Variants in SEC24D observed in about 807,000 individuals in gnomAD.
SEC24D encodes SEC24 homolog D, COPII component, also known as protein transport protein Sec24D.
In SEC24D, 69 loss-of-function variants were observed where a neutral mutation model predicts 116.9. The observed-to-expected ratio is 0.59, with a 90% CI of 0.49 to 0.72. The LOEUF is 0.72. Among genes scored for constraint, SEC24D ranks in the 30% least tolerant of loss-of-function variants. The pLI, the probability that SEC24D is intolerant of heterozygous loss-of-function variation, is 0.00. For synonymous variants in SEC24D, 405 were observed against 442.8 expected, an observed-to-expected ratio of 0.91 and a Z score of 1.07; for missense variants, 1,131 against 1,264.1, an observed-to-expected ratio of 0.89 and a Z score of 1.60.
chr4:118,743,985 T>C lies in SEC24D; in HGVS notation c.1995+3A>G, dbSNP rs767244084. ...CCAAGGTGAACAAATTGCTGGCATT[T>C]ACCTGGAAATTGTTGTATTTGTAAA... On this transcript the variant is annotated splice_donor_region_variant and intron_variant, in intron 15 of 22. Coordinates refer to ENST00000280551, the MANE Select transcript of SEC24D (RefSeq NM_014822.4). 3 of 1,593,984 alleles carry C rather than the reference T, an allele frequency of 1.9e-6. No homozygotes were observed. Among genetic ancestry groups the C allele is most frequent in the Non-Finnish European group, 2.6e-6 (3 of 1,172,064 alleles).
rs766776660 is a variant in SEC24D, at chr4:118,740,737, C to T, written c.2164G>A (p.Asp722Asn). The change falls in exon 17 of 23, where the codon GAT becomes AAT. Residue 722 changes from aspartate (D) to asparagine (N), a missense_variant. Physicochemically the swap from Asp to Asn is conservative, Grantham distance 23. Transcript: ENST00000280551. ...NTTDVEMAAI[D>N]CDKAVTVEFK... ...TCCACGGTCACTGCCTTGTCACAATCGATGGCAGCCATTTCTACATCGGTG... is the reference window on the plus strand; with the variant it reads ...TCCACGGTCACTGCCTTGTCACAATTGATGGCAGCCATTTCTACATCGGTG... 8.7e-6 allele frequency: 14 copies of T among 1,613,814 alleles called. No homozygotes were observed. Among genetic ancestry groups the T allele is most frequent in the Admixed American group, 1.7e-5 (1 of 59,982 alleles).
At chr4:118,788,391 G>A (rs538558073) in intron 8 of SEC24D, among the ~76,000 whole-genome samples, 1 of 152,192 alleles carries the variant, frequency 6.6e-6, no homozygotes, top group Non-Finnish European at 1.5e-5. Flanking sequence ...GCACAGTGGA[G>A]ACCTGAAATT....
At chr4:118,728,913 C>A (rs1319923135) in intron 21 of SEC24D, 4 of 349,310 alleles carry the variant, frequency 1.1e-5, no homozygotes, top group African/African-American at 2.1e-5. Flanking sequence ...TGAAATGATA[C>A]AGCACAGACG....
At chr4:118,816,072 C>T (rs190670659) in intron 4 of SEC24D, among the ~76,000 whole-genome samples, 24 of 150,536 alleles carry the variant, frequency 1.6e-4, no homozygotes, top group African/African-American at 5.6e-4. Context: ...CAGGCACACA[C>T]CACCACGCCA....
intron 8 of SEC24D, among the ~76,000 whole-genome samples, chr4:118,773,550 T>C (rs1482460617): frequency 1.3e-5 from 2 of 152,202 alleles, no homozygotes; most frequent in Non-Finnish European, 2.9e-5. Flanking sequence ...AGTTGGTAAT[T>C]TGGATTAATT....
chr4:118,791,922 T>C (rs1369803890), intron 8 of SEC24D, among the ~76,000 whole-genome samples: 3 of 152,148 alleles, frequency 2.0e-5, no homozygotes, highest in Non-Finnish European at 4.4e-5. Flanking sequence ...AGTGCTGAGT[T>C]TGCAGCCTCT....
intron 13 of SEC24D, among the ~76,000 whole-genome samples, chr4:118,749,910 T>C (rs912768656): frequency 6.6e-6 from 1 of 152,214 alleles, no homozygotes; most frequent in Non-Finnish European, 1.5e-5. Flanking sequence ...TAAAGAGTTA[T>C]TTACCTTTTA....
intron 18 of SEC24D, among the ~76,000 whole-genome samples, 197 bp from the exon 19 acceptor site, chr4:118,738,576 C>T (rs1726082627): frequency 6.6e-6 from 1 of 152,158 alleles, no homozygotes; most frequent in African/African-American, 2.4e-5. Flanking sequence ...AGAACATTGG[C>T]CTACCTACAG....
intron 3 of SEC24D, among the ~76,000 whole-genome samples, chr4:118,818,062 A>C (rs1730226628): frequency 6.6e-6 from 1 of 151,988 alleles, no homozygotes; most frequent in African/African-American, 2.4e-5. Context: ...AAATCTAAAA[A>C]TTACATCATG....
chr4:118,807,990 C>T (rs1031890866), intron 6 of SEC24D, among the ~76,000 whole-genome samples: 1 of 152,288 alleles, frequency 6.6e-6, no homozygotes, highest in African/African-American at 2.4e-5. Context: ...GAGACAGGGT[C>T]TTGCTCTGAT....
chr4:118,826,596 C>T (rs867207365), intron 2 of SEC24D, among the ~76,000 whole-genome samples: 30 of 151,454 alleles, frequency 2.0e-4, no homozygotes, highest in African/African-American at 7.0e-4. Context: ...TACGAGAAGT[C>T]GAAAATATTC....
chr4:118,833,516 C>T (rs1730962811), intron 2 of SEC24D, 63 bp downstream of exon 2: 2 of 1,083,280 alleles, frequency 1.8e-6, no homozygotes, highest in Non-Finnish European at 1.4e-6. Flanking sequence ...TCTTTCAGAA[C>T]ATCTTATGTC....
chr4:118,734,052 A>G (rs928007033), intron 19 of SEC24D, among the ~76,000 whole-genome samples: 6 of 151,060 alleles, frequency 4.0e-5, no homozygotes, highest in African/African-American at 1.5e-4. Flanking sequence ...GCTAATAATC[A>G]AGTTTGACTG....
intron 6 of SEC24D, among the ~76,000 whole-genome samples, chr4:118,807,183 G>A (rs1455637416): frequency 1.3e-5 from 2 of 152,104 alleles, no homozygotes; most frequent in East Asian, 3.8e-4. Flanking sequence ...AGACACAAAT[G>A]GTATAAAGCA....
At chr4:118,830,041 A>C (rs1730777689) in intron 2 of SEC24D, among the ~76,000 whole-genome samples, 1 of 152,246 alleles carries the variant, frequency 6.6e-6, no homozygotes, top group Admixed American at 6.5e-5. Context: ...ACTGAAGATT[A>C]AGGTATCTAA....
Position 118,752,923 on chromosome 4 carries a change from A to C in SEC24D, c.1422-35T>G, listed in dbSNP as rs375273109. 75 of 1,449,014 alleles carry C rather than the reference A, an allele frequency of 5.2e-5. No individual in the cohort carries two copies. In the African/African-American group the frequency reaches 1.0e-3, roughly 20 times the overall value. 89.8% of individuals were successfully genotyped at this position (1,449,014 alleles called of 1,614,324 possible). A position where few individuals can be genotyped will look rare whatever the true frequency, so the allele number is the denominator to read the frequency against. On this transcript the variant is annotated intron_variant, in intron 11 of 22. Coordinates refer to ENST00000280551, the MANE Select transcript of SEC24D (RefSeq NM_014822.4). ...AAAAAAAAAGTGTTTGAGATGCTTT[A>C]TAAATTTAGATGAAAAGGAGGTTTC... is the stretch of plus-strand genomic sequence containing the variant.
intron 19 of SEC24D, among the ~76,000 whole-genome samples, chr4:118,737,181 G>C (rs1367209519): frequency 3.3e-5 from 5 of 152,334 alleles, no homozygotes; most frequent in Middle Eastern, 3.4e-3. Flanking sequence ...AGGTGTACCT[G>C]GTGGGCTTTG....
intron 10 of SEC24D, among the ~76,000 whole-genome samples, chr4:118,763,979 G>A (rs1251359787): frequency 6.6e-6 from 1 of 152,164 alleles, no homozygotes; most frequent in Non-Finnish European, 1.5e-5. Flanking sequence ...TAAAATTTCA[G>A]CCAGGCATTA....
chr4:118,740,918 AGAATT>A lies in SEC24D; in HGVS notation c.2092+18_2092+22del. On this transcript the variant is annotated intron_variant, in intron 16 of 22. Transcript: ENST00000280551. ...AAACAATTATTCAAGAGAGACCCGA[AGAATT>A]GTATAAATGATAATTACCTGTGCTG... is the stretch of plus-strand genomic sequence containing the variant. 2 of 1,589,292 alleles carry A rather than the reference AGAATT, an allele frequency of 1.3e-6. No individual in the cohort carries two copies. The highest frequency in any genetic ancestry group is 1.7e-6 in the Non-Finnish European group (2 of 1,162,464).
Sources: allele counts gnomAD v4.1 joint callset (sites outside exome capture counted in the v4.1 genomes callset), GRCh38; gene constraint gnomAD v4.1.1; transcripts MANE v1.5; gene names NCBI Gene and HGNC (gene_info 2026-07-23, HGNC 2026-07-21).